Variants in ZSCAN4 observed in about 807,000 individuals in gnomAD.
ZSCAN4 encodes the protein zinc finger and SCAN domain containing 4.
Under a neutral mutation model 18.3 loss-of-function variants are expected in ZSCAN4, and 18 were observed. The ratio of observed to expected loss-of-function variants is 0.98; its 90% CI spans 0.68 to 1.46. ZSCAN4 has a LOEUF of 1.46. Ranked by LOEUF, ZSCAN4 falls within the 40% of genes most tolerant of loss-of-function variation. The probability of loss-of-function intolerance (pLI) is 0.00; values close to 1 mark genes in which losing one functional copy is unlikely to be tolerated. For synonymous variants in ZSCAN4, 193 were observed against 180.3 expected (o/e 1.07, Z -0.57); for missense variants, 498 against 511.4 (o/e 0.97, Z 0.25).
the ZSCAN4 span, among the ~76,000 whole-genome samples, chr19:57,653,184 T>C: frequency 6.6e-6 from 1 of 152,018 alleles, no homozygotes; most frequent in African/African-American, 2.4e-5. Flanking sequence ...TTGATGAAAA[T>C]CCTGCTCTTA....
chr19:57,661,387 T>C, the ZSCAN4 span, among the ~76,000 whole-genome samples: 1 of 152,122 alleles, frequency 6.6e-6, no homozygotes. Flanking sequence ...AAATTCTTTC[T>C]CCATATTCCC....
At chr19:57,655,244 G>A in the ZSCAN4 span, among the ~76,000 whole-genome samples, 2 of 152,102 alleles carry the variant, frequency 1.3e-5, no homozygotes, top group East Asian at 3.9e-4. Flanking sequence ...CCAAGCTGCT[G>A]TACACCACAT....
At chr19:57,675,790 G>A (rs1984162549) in intron 2 of ZSCAN4, among the ~76,000 whole-genome samples, 1 of 152,182 alleles carries the variant, frequency 6.6e-6, no homozygotes, top group Non-Finnish European at 1.5e-5. Context: ...GTATATGTGA[G>A]TAGATTTTAT....
exon 5 of ZSCAN4, chr19:57,678,775 C>T: frequency 1.9e-6 from 3 of 1,614,150 alleles, no homozygotes; most frequent in Non-Finnish European, 1.7e-6. Flanking sequence ...AGAATCCACA[C>T]AGGAGAAAAG....
At chr19:57,678,981 A>T (rs926526886) in exon 5 of ZSCAN4, 2 of 1,421,022 alleles carry the variant, frequency 1.4e-6, no homozygotes, top group African/African-American at 2.9e-5. Flanking sequence ...CTTAGGATAT[A>T]AGATATAATC....
chr19:57,666,850 C>T (rs1325889106), upstream of ZSCAN4, among the ~76,000 whole-genome samples: 2 of 151,914 alleles, frequency 1.3e-5, no homozygotes, highest in African/African-American at 2.4e-5. Flanking sequence ...GACTTTGTCT[C>T]GAAAAAAATA....
chr19:57,675,491 A>G (rs1984155593), intron 2 of ZSCAN4, among the ~76,000 whole-genome samples: 1 of 152,188 alleles, frequency 6.6e-6, no homozygotes, highest in African/African-American at 2.4e-5. Context: ...CATGTTGGCC[A>G]GGCTAGTCTC....
At chr19:57,662,840 G>A in the ZSCAN4 span, among the ~76,000 whole-genome samples, 8 of 152,208 alleles carry the variant, frequency 5.3e-5, no homozygotes, top group South Asian at 2.1e-4. Context: ...GATTACAGGC[G>A]TGAGTCACTA....
At chr19:57,678,544 G>A (rs767659846) in exon 5 of ZSCAN4, 2 of 1,614,138 alleles carry the variant, frequency 1.2e-6, no homozygotes, top group South Asian at 1.1e-5. Flanking sequence ...TCATACAAAT[G>A]TGAAGAATGC....
chr19:57,664,402 G>C (rs550894588), upstream of ZSCAN4: 17 of 152,574 alleles, frequency 1.1e-4, no homozygotes, highest in African/African-American at 4.1e-4. Context: ...TCAGCGTCTG[G>C]GACCCAGCGC....
At chr19:57,678,114 T>G (rs775013406) in intron 4 of ZSCAN4, 35 bp downstream of exon 4, 1 of 1,593,256 alleles carries the variant, frequency 6.3e-7, no homozygotes, top group Non-Finnish European at 8.5e-7. Flanking sequence ...TGAGGAGTGT[T>G]CTATGTGGAC....
chr19:57,668,505 T>A (rs968506463), upstream of ZSCAN4, among the ~76,000 whole-genome samples: 1 of 152,122 alleles, frequency 6.6e-6, no homozygotes, highest in Non-Finnish European at 1.5e-5. Flanking sequence ...CCAACAGTGA[T>A]AGGGGGACAA....
the ZSCAN4 span, among the ~76,000 whole-genome samples, chr19:57,655,573 T>C: frequency 6.6e-6 from 1 of 152,088 alleles, no homozygotes; most frequent in African/African-American, 2.4e-5. Context: ...TATCAATACA[T>C]TACCATTGCA....
At chr19:57,665,464 G>C (rs1179415605), upstream of ZSCAN4, among the ~76,000 whole-genome samples, 1 of 152,010 alleles carries the variant, frequency 6.6e-6, no homozygotes, top group South Asian at 2.1e-4. Context: ...TTTACACTTG[G>C]TGTCAAATTT....
At chr19:57,654,587 G>T in the ZSCAN4 span, among the ~76,000 whole-genome samples, 1 of 152,042 alleles carries the variant, frequency 6.6e-6, no homozygotes, top group African/African-American at 2.4e-5. Flanking sequence ...CCCTATCCTG[G>T]CCATCTGGAA....
chr19:57,656,538 T>C, the ZSCAN4 span, among the ~76,000 whole-genome samples: 1 of 152,160 alleles, frequency 6.6e-6, no homozygotes, highest in Non-Finnish European at 1.5e-5. Flanking sequence ...CAGTTTGTGG[T>C]CAGACTTCCC....
In ZSCAN4 at chr19:57,670,232, C is replaced by A. The variant is rs577953508; in HGVS notation, c.-428-13C>A. On this transcript the variant is annotated splice_polypyrimidine_tract_variant and intron_variant, in intron 1 of 4. Coordinates refer to ENST00000318203, the Ensembl canonical transcript of ZSCAN4. The stretch of plus-strand genomic sequence containing the variant: ...GAAATATTAATGTGTTTGTTTATGA[C>A]CTGTTGACCCAGGACCAGTGATGGT... 6.6e-6 allele frequency: 1 copy of A among 152,344 alleles called. No individual in the cohort carries two copies. Among genetic ancestry groups the A allele is most frequent in the African/African-American group, 2.4e-5 (1 of 41,580 alleles). 9.4% of individuals were successfully genotyped at this position (152,344 alleles called of 1,614,324 possible). A position where few individuals can be genotyped will look rare whatever the true frequency, so the allele number is the denominator to read the frequency against.
the ZSCAN4 span, among the ~76,000 whole-genome samples, chr19:57,654,485 C>T: frequency 6.6e-6 from 1 of 152,138 alleles, no homozygotes; most frequent in Non-Finnish European, 1.5e-5. Flanking sequence ...CCAGTACCTC[C>T]TTAGCCCAGC....
At chr19:57,665,494 CT>C (rs199829644), upstream of ZSCAN4, among the ~76,000 whole-genome samples, 3 of 149,954 alleles carry the variant, frequency 2.0e-5, no homozygotes, top group South Asian at 4.2e-4. Context: ...AATTTTAATA[CT>C]TTTTTTTTTA....
Sources: allele counts gnomAD v4.1 joint callset (sites outside exome capture counted in the v4.1 genomes callset), GRCh38; gene constraint gnomAD v4.1.1; transcripts MANE v1.5; gene names NCBI Gene and HGNC (gene_info 2026-07-23, HGNC 2026-07-21).